MGAT5: variants seen among roughly 807,000 people sequenced by gnomAD.
MGAT5 encodes alpha-1,6-mannosylglycoprotein 6-beta-N-acetylglucosaminyltransferase.
A neutral mutation model predicts 94.3 loss-of-function variants in MGAT5; 30 were observed. The ratio of observed to expected loss-of-function variants is 0.32; its 90% CI spans 0.24 to 0.43. The LOEUF (loss-of-function observed/expected upper bound fraction) is 0.43. Ranked by LOEUF, MGAT5 falls within the 20% of genes least tolerant of loss-of-function variation. MGAT5 has a pLI of 1.00. For synonymous variants in MGAT5, 310 were observed against 322.9 expected (o/e 0.96, Z 0.43); for missense variants, 691 against 905.5 (o/e 0.76, Z 3.04).
chr2:134,431,290 G>A (rs548149374), intron 14 of MGAT5, among the ~76,000 whole-genome samples: 72 of 152,282 alleles, frequency 4.7e-4, no homozygotes, highest in African/African-American at 1.4e-3. Context: ...TCAGATGGGT[G>A]CTTAGAAAAA....
Position 134,254,365 on chromosome 2 carries a change from G to A in MGAT5, c.-39G>A, listed in dbSNP as rs373932293. 68 of 1,610,424 alleles carry A rather than the reference G, an allele frequency of 4.2e-5. 1 individual carries two copies. The highest frequency in any genetic ancestry group is 6.7e-5 in the Admixed American group (4 of 59,648). ...CCATGAATTTGTGTCTATCTTCTAC[G>A]CGTTAAGAGCCAAGGACAGGTGAAG... On this transcript the variant is annotated 5_prime_UTR_variant, in exon 1 of 16. Transcript: ENST00000281923.
intron 1 of MGAT5, among the ~76,000 whole-genome samples, chr2:134,186,944 G>T (rs890884792): frequency 1.3e-5 from 2 of 152,204 alleles, no homozygotes; most frequent in African/African-American, 4.8e-5. Flanking sequence ...GCTATTCTAG[G>T]TTGGGTGGTC....
intron 1 of MGAT5, among the ~76,000 whole-genome samples, chr2:134,209,093 G>T (rs138379452): frequency 6.7e-6 from 1 of 149,824 alleles, no homozygotes; most frequent in Non-Finnish European, 1.5e-5. Flanking sequence ...TGTATTTACC[G>T]GGGATGAGGA....
chr2:134,237,183 T>C (rs76193479), intron 1 of MGAT5, among the ~76,000 whole-genome samples: 2,289 of 149,330 alleles, frequency 0.015, 22 homozygotes, highest in Middle Eastern at 0.038. Context: ...TCTTGGTCTG[T>C]ACTTGGCTGC....
Position 134,398,675 on chromosome 2 carries a change from G to A in MGAT5, c.1381-4313G>A, listed in dbSNP as rs145536992. On this transcript the variant is annotated intron_variant, in intron 10 of 15. Transcript: ENST00000281923. The stretch of plus-strand genomic sequence containing the variant: ...TTACAATAGCCAAGATACGGAATTA[G>A]CTTGAGTGTCCATCAGCGGATGAAT... Among the ~76,000 whole-genome samples the A allele has an allele frequency of 1.8e-3, 275 of 152,308 alleles. 2 individuals carry two copies. In the East Asian group the frequency reaches 0.018, roughly 10 times the overall value.
At chr2:134,271,630 T>G (rs1047752580) in intron 2 of MGAT5, among the ~76,000 whole-genome samples, 2 of 152,228 alleles carry the variant, frequency 1.3e-5, no homozygotes, top group African/African-American at 4.8e-5. Context: ...GCAAGGTGGT[T>G]GTTATTACCT....
rs80190549 is a variant in MGAT5, at chr2:134,347,029, G to A, written c.1112+1965G>A. Among the ~76,000 whole-genome samples the A allele has an allele frequency of 2.4e-3, 372 of 152,190 alleles. 6 individuals are homozygous for A. The highest frequency in any genetic ancestry group is 0.022 in the East Asian group (114 of 5,184). On this transcript the variant is annotated intron_variant, in intron 8 of 15. Coordinates refer to ENST00000281923, the MANE Select transcript of MGAT5 (RefSeq NM_002410.5). The stretch of plus-strand genomic sequence containing the variant: ...TGTTACGGGAAGGCGAGCTGCCTTG[G>A]GCATCAAAACAAACATCTTTTTAAG...
intron 12 of MGAT5, among the ~76,000 whole-genome samples, chr2:134,416,387 T>C (rs915979193): frequency 1.3e-5 from 2 of 152,188 alleles, no homozygotes; most frequent in Admixed American, 1.3e-4. Context: ...AACCATATAA[T>C]GTCTGTCCTT....
At chr2:134,358,202 TG>T (rs1679872338) in intron 9 of MGAT5, among the ~76,000 whole-genome samples, 1 of 151,560 alleles carries the variant, frequency 6.6e-6, no homozygotes. Context: ...TTTTTTTTTT[TG>T]GATGCATAAA....
chr2:134,241,429 G>A (rs891034519), intron 1 of MGAT5, among the ~76,000 whole-genome samples: 2 of 152,184 alleles, frequency 1.3e-5, no homozygotes, highest in African/African-American at 4.8e-5. Context: ...CTAATTGGGG[G>A]TTGTAAGTAG....
At chr2:134,130,554 C>G (rs112626182) in intron 1 of MGAT5, among the ~76,000 whole-genome samples, 13,463 of 150,908 alleles carry the variant, frequency 0.089, 1,475 homozygotes, top group East Asian at 0.28. Flanking sequence ...TGTCTGGCTC[C>G]GGGGTTTGTG....
intron 1 of MGAT5, among the ~76,000 whole-genome samples, chr2:134,234,840 G>A (rs942869681): frequency 6.6e-6 from 1 of 152,204 alleles, no homozygotes; most frequent in Admixed American, 6.5e-5. Flanking sequence ...GTCATGAGGT[G>A]GACTGAGCAG....
At chr2:134,341,534 C>G in intron 6 of MGAT5, 56 bp from the exon 7 acceptor site, 1 of 1,423,152 alleles carries the variant, frequency 7.0e-7, no homozygotes, top group East Asian at 2.5e-5. Context: ...TGGCGCATTA[C>G]TGTGCCTTTT....
intron 1 of MGAT5, among the ~76,000 whole-genome samples, chr2:134,231,646 C>T (rs1035653890): frequency 3.9e-5 from 6 of 152,318 alleles, no homozygotes; most frequent in African/African-American, 1.4e-4. Context: ...CCCTCATTCA[C>T]CCTCTGGAGT....
In MGAT5 at chr2:134,237,123, A is replaced by ATGTGTATG. The variant is rs367744090; in HGVS notation, c.-142-17134_-142-17133insATGTGTGT. Among the ~76,000 whole-genome samples, 337 of 140,716 alleles carry ATGTGTATG rather than the reference A, an allele frequency of 2.4e-3. 2 individuals carry two copies. Among genetic ancestry groups the ATGTGTATG allele is most frequent in the African/African-American group, 5.8e-3 (226 of 38,978 alleles). 92.3% of individuals were successfully genotyped at this position (140,716 alleles called of 152,430 possible). A position where few individuals can be genotyped will look rare whatever the true frequency, so the allele number is the denominator to read the frequency against. On this transcript the variant is annotated intron_variant, in intron 1 of 16. Transcript: ENST00000409645. ...TAGGTAGGTTATGTAGAAGGAGTATATGTGTGTGTGTGTGTGTGTGTGTGT... is the reference window on the plus strand; with the variant it reads ...TAGGTAGGTTATGTAGAAGGAGTATATGTGTATGTGTGTGTGTGTGTGTGTGTGTGTGT...
intron 1 of MGAT5, among the ~76,000 whole-genome samples, chr2:134,191,845 C>T (rs1000479847): frequency 4.7e-5 from 7 of 149,202 alleles, no homozygotes; most frequent in South Asian, 2.2e-4. Flanking sequence ...TCGCGCCCTC[C>T]TCCTCCTGCT....
intron 1 of MGAT5, among the ~76,000 whole-genome samples, chr2:134,203,879 C>G (rs896724699): frequency 1.3e-5 from 2 of 152,148 alleles, no homozygotes; most frequent in Non-Finnish European, 2.9e-5. Context: ...TCTGGACATT[C>G]ATTTCTTCAC....
intron 11 of MGAT5, among the ~76,000 whole-genome samples, chr2:134,408,263 A>G (rs930767017): frequency 5.3e-5 from 8 of 152,212 alleles, no homozygotes; most frequent in Admixed American, 2.6e-4. Flanking sequence ...GGCTGGCCCA[A>G]CTGAACATGT....
upstream of MGAT5, among the ~76,000 whole-genome samples, chr2:134,250,681 G>A (rs986091725): frequency 6.6e-6 from 1 of 152,168 alleles, no homozygotes; most frequent in African/African-American, 2.4e-5. Flanking sequence ...CAAGCTCTAA[G>A]TACCACTGGA....
Sources: gnomAD v4.1 joint callset for allele counts (sites outside exome capture counted in the v4.1 genomes callset) on GRCh38, gnomAD v4.1.1 for gene constraint, MANE v1.5 for transcripts, NCBI Gene and HGNC (gene_info 2026-07-23, HGNC 2026-07-21) for gene names.